EPS15L1: variants seen among roughly 807,000 people sequenced by gnomAD.
EPS15L1 encodes epidermal growth factor receptor substrate 15-like 1.
EPS15L1 carries 43 observed loss-of-function variants against 117.1 expected under a neutral mutation model. That is an observed-to-expected ratio of 0.37 (90% confidence interval 0.29 to 0.47). The LOEUF is 0.47. EPS15L1 is among the 20% of genes least tolerant of loss of function. The pLI is 0.99. For missense variants in EPS15L1, 981 were observed against 1,164.0 expected, an observed-to-expected ratio of 0.84 and a Z score of 2.29; for synonymous variants, 459 against 470.5, an observed-to-expected ratio of 0.98 and a Z score of 0.32.
At position 16,442,337 on chromosome 19, in the gene EPS15L1, C is replaced by T. The variant is rs1371532906; in HGVS notation, c.34-118G>A. 31 of 714,746 alleles carry T rather than the reference C, an allele frequency of 4.3e-5. No homozygotes were observed. In the East Asian group the frequency reaches 8.3e-4, roughly 19 times the overall value. 44.3% of individuals were successfully genotyped at this position (714,746 alleles called of 1,614,324 possible). A position where few individuals can be genotyped will look rare whatever the true frequency, so the allele number is the denominator to read the frequency against. On this transcript the variant is annotated intron_variant, in intron 1 of 23. Transcript: ENST00000455140. ...TATGATGATAGTTAGAGTCAAAATG[C>T]ATGCACTTTAAACATCCTCTGAACA...
chr19:16,402,395 C>A lies in EPS15L1; in HGVS notation c.1717G>T (p.Gly573Cys). 1 of 1,614,140 alleles carries A rather than the reference C, an allele frequency of 6.2e-7. No individual in the cohort carries two copies. Among genetic ancestry groups the A allele is most frequent in the Non-Finnish European group, 8.5e-7 (1 of 1,180,006 alleles). Residue 573 changes from glycine to cysteine, a missense_variant, in exon 16 of 24, where the codon GGT (glycine) becomes TGT (cysteine). Gly to Cys is a radical substitution (Grantham distance 159). Around this residue, in one of 5 missense-constraint regions of EPS15L1, gnomAD observed 819 missense variants for 949.0 expected, o/e 0.86. Transcript: ENST00000455140. ...QYDQVLDGAH[G>C]ASLTDLANLS... The stretch of plus-strand genomic sequence containing the variant: ...TTGGCCAGGTCGGTCAGGCTGGCAC[C>A]ATGGGCTCCATCGAGCACCTGGTCA...
rs181953258 is a variant in EPS15L1 at position 16,452,252 on chromosome 19, C to A, written c.34-10033G>T. Reference sequence around the variant, plus strand: ...CCTGAGGTCAGGAGTTCTAAACCAGCCTGGCCAACATGGTGAAACCCCATC... The same window carrying A: ...CCTGAGGTCAGGAGTTCTAAACCAGACTGGCCAACATGGTGAAACCCCATC... On this transcript the variant is annotated intron_variant, in intron 1 of 23. Coordinates refer to ENST00000455140, the MANE Select transcript of EPS15L1 (RefSeq NM_001258374.3). Among the ~76,000 whole-genome samples the A allele has an allele frequency of 3.3e-5, 5 of 151,888 alleles. No individual in the cohort carries two copies. The South Asian group carries it at 1.0e-3, about 32-fold the overall frequency.
Position 16,425,807 on chromosome 19 carries a change from T to TAAAAC in EPS15L1, c.559-496_559-492dup, listed in dbSNP as rs567913733. Reference sequence around the variant, plus strand: ...GTGACAGAGCGAGACTCTGTCTCTATAAAACAAAACAAAACAAAACAAAAA... The same window carrying TAAAAC: ...GTGACAGAGCGAGACTCTGTCTCTATAAAACAAAACAAAACAAAACAAAACAAAAA... On this transcript the variant is annotated intron_variant, in intron 8 of 23. Transcript: ENST00000455140. Among the ~76,000 whole-genome samples the TAAAAC allele has an allele frequency of 1.1e-3, 170 of 152,064 alleles. 1 individual carries two copies. The highest frequency in any genetic ancestry group is 1.7e-3 in the Non-Finnish European group (114 of 67,968).
chr19:16,362,816 T>C (rs2092077159), intron 22 of EPS15L1, among the ~76,000 whole-genome samples: 1 of 152,136 alleles, frequency 6.6e-6, no homozygotes, highest in Non-Finnish European at 1.5e-5. Context: ...GGCCTTAAGT[T>C]CTTTTTTAGC....
chr19:16,469,511 T>A (rs566949870), intron 1 of EPS15L1, among the ~76,000 whole-genome samples: 1 of 151,904 alleles, frequency 6.6e-6, no homozygotes, highest in South Asian at 2.1e-4. Context: ...CACAAATCAC[T>A]GAGATGCTGT....
At chr19:16,361,556 C>T in intron 23 of EPS15L1, 1 of 1,290,228 alleles carries the variant, frequency 7.8e-7, no homozygotes, top group South Asian at 2.2e-5. Flanking sequence ...GAAAACGTGC[C>T]CTTATGATAG....
intron 15 of EPS15L1, among the ~76,000 whole-genome samples, chr19:16,402,830 T>C (rs2092616221): frequency 6.6e-6 from 1 of 152,046 alleles, no homozygotes; most frequent in South Asian, 2.1e-4. Flanking sequence ...AGTGATCCTC[T>C]TGCCTCAGCC....
Position 16,361,914 on chromosome 19 carries a change from G to A in EPS15L1, c.2451C>T (p.Leu817=), listed in dbSNP as rs139911009. The A allele has an allele frequency of 2.2e-4, 354 of 1,614,000 alleles. 1 individual carries two copies. The African/African-American group carries it at 4.0e-3, about 18-fold the overall frequency. Residue 817 remains leucine, a synonymous_variant, in exon 23 of 24, where the codon CTC becomes CTT. Coordinates refer to ENST00000455140, the MANE Select transcript of EPS15L1 (RefSeq NM_001258374.3). ...GGAACGGGTCGCCGCTGTCAGCCCC[G>A]AGTGGCTGGAATGGATCGGGGGCCT... ...FPEAPDPFQP[L]GADSGDPFQS...
Position 16,361,785 on chromosome 19 carries a change from G to A in EPS15L1, c.2580C>T (p.Phe860=). The change falls in exon 23 of 24, where the codon TTC becomes TTT. Residue 860 remains phenylalanine, a synonymous_variant. Coordinates refer to ENST00000455140, the MANE Select transcript of EPS15L1 (RefSeq NM_001258374.3). ...SKASASGFAD[F]TSFGNEEQQL... ...GGCGGAGGACTCAACTTACAGAGGT[G>A]AAGTCTGCAAAGCCCGAGGCAGAGG... The A allele has an allele frequency of 6.2e-7, 1 of 1,613,124 alleles. No individual in the cohort carries two copies. Among genetic ancestry groups the A allele is most frequent in the Non-Finnish European group, 8.5e-7 (1 of 1,179,654 alleles).
At chr19:16,468,923 G>A (rs1271601967) in intron 1 of EPS15L1, among the ~76,000 whole-genome samples, 1 of 152,206 alleles carries the variant, frequency 6.6e-6, no homozygotes, top group African/African-American at 2.4e-5. Flanking sequence ...GAGAGGCCAA[G>A]GTGGGAGAAT....
chr19:16,418,162 C>A, intron 10 of EPS15L1, 58 bp from the exon 11 acceptor site: 2 of 1,543,092 alleles, frequency 1.3e-6, no homozygotes, highest in Non-Finnish European at 1.8e-6. Flanking sequence ...AGCCTGAACC[C>A]AAGTCACCGA....
intron 7 of EPS15L1, 112 bp from the exon 8 acceptor site, chr19:16,428,873 G>T: frequency 1.3e-6 from 1 of 782,632 alleles, no homozygotes; most frequent in South Asian, 1.5e-5. Context: ...CTCAGGAGAC[G>T]GCAGTCAATA....
chr19:16,407,634 C>T (rs1327407893), intron 13 of EPS15L1, among the ~76,000 whole-genome samples: 2 of 151,974 alleles, frequency 1.3e-5, no homozygotes, highest in African/African-American at 4.8e-5. Flanking sequence ...CCTTCTTTTC[C>T]CCTTCTTGAT....
intron 1 of EPS15L1, among the ~76,000 whole-genome samples, chr19:16,455,753 C>G (rs2093189002): frequency 6.6e-6 from 1 of 152,170 alleles, no homozygotes; most frequent in African/African-American, 2.4e-5. Context: ...CTCCCACCCC[C>G]GGGGACTTGT....
chr19:16,374,532 C>T (rs1410293902), intron 22 of EPS15L1, among the ~76,000 whole-genome samples: 1 of 152,114 alleles, frequency 6.6e-6, no homozygotes, highest in African/African-American at 2.4e-5. Context: ...TCGAAGCCCA[C>T]AGTACACTAA....
At chr19:16,455,493 TGTGGAGG>T (rs1162821443) in intron 1 of EPS15L1, among the ~76,000 whole-genome samples, 1 of 152,228 alleles carries the variant, frequency 6.6e-6, no homozygotes, top group Admixed American at 6.5e-5. Flanking sequence ...TGCACTGCCC[TGTGGAGG>T]ATGCAGGACT....
At chr19:16,396,336 A>G (rs1599575669) in intron 16 of EPS15L1, among the ~76,000 whole-genome samples, 1 of 152,026 alleles carries the variant, frequency 6.6e-6, no homozygotes, top group Non-Finnish European at 1.5e-5. Flanking sequence ...CTCATGGGTT[A>G]CTCCAGCCTT....
chr19:16,437,133 AC>A, intron 5 of EPS15L1, 134 bp from the exon 6 acceptor site: 1 of 698,748 alleles, frequency 1.4e-6, no homozygotes, highest in Non-Finnish European at 2.5e-6. Flanking sequence ...ACACAGAATC[AC>A]CACATGACCC....
At chr19:16,384,844 C>A (rs961782438) in intron 21 of EPS15L1, among the ~76,000 whole-genome samples, 1 of 152,212 alleles carries the variant, frequency 6.6e-6, no homozygotes, top group South Asian at 2.1e-4. Flanking sequence ...AGTTTCTACT[C>A]GGCCATGGCA....
Sources: allele counts gnomAD v4.1 joint callset (sites outside exome capture counted in the v4.1 genomes callset), GRCh38; gene constraint gnomAD v4.1.1; regional missense constraint gnomAD v4.1.1; transcripts MANE v1.5; gene names NCBI Gene and HGNC (gene_info 2026-07-23, HGNC 2026-07-21).